The following CDYL variants were observed in gnomAD, a reference collection of about 807,000 sequenced individuals.
CDYL encodes the protein chromodomain Y like.
In CDYL, 8 loss-of-function variants were observed where a neutral mutation model predicts 47.3. That is an observed-to-expected ratio of 0.17 (90% CI 0.10 to 0.31). CDYL has a LOEUF of 0.31. CDYL is among the 10% of genes least tolerant of loss of function. CDYL has a pLI of 1.00. For missense variants in CDYL, 471 were observed against 701.4 expected, an observed-to-expected ratio of 0.67 and a Z score of 3.71; for synonymous variants, 266 against 265.0, an observed-to-expected ratio of 1.00 and a Z score of -0.04.
chr6:4,850,957 T>C (rs750737413), intron 1 of CDYL, among the ~76,000 whole-genome samples: 1 of 152,202 alleles, frequency 6.6e-6, no homozygotes, highest in African/African-American at 2.4e-5. Context: ...AGGGGAAATA[T>C]AATGGCACCG....
At chr6:4,936,549 G>T (rs1430414533) in intron 3 of CDYL, among the ~76,000 whole-genome samples, 2 of 152,156 alleles carry the variant, frequency 1.3e-5, no homozygotes, top group African/African-American at 4.8e-5. Context: ...TTTTTAGACT[G>T]CAGAGTCCCT....
At chr6:4,775,895 G>C (rs1263928352), upstream of CDYL, among the ~76,000 whole-genome samples, 6 of 150,452 alleles carry the variant, frequency 4.0e-5, no homozygotes, top group East Asian at 1.2e-3. The surrounding 1 kb of genome is among the most constrained non-coding windows in gnomAD (Gnocchi z 7.0). Context: ...GGAGGCGCGC[G>C]GTAGACGGCG....
intron 1 of CDYL, among the ~76,000 whole-genome samples, chr6:4,791,364 A>G (rs998377650): frequency 2.0e-5 from 3 of 152,236 alleles, no homozygotes; most frequent in Non-Finnish European, 4.4e-5. Flanking sequence ...TTTACAATGT[A>G]TCATCAACCT....
intron 1 of CDYL, among the ~76,000 whole-genome samples, chr6:4,785,334 G>A (rs79925159): frequency 0.017 from 2,583 of 152,250 alleles, 73 homozygotes; most frequent in African/African-American, 0.06. Context: ...TTGTGGAGAG[G>A]TTAGCTTCAA....
chr6:4,776,693 A>C lies in CDYL; in HGVS notation c.-91A>C. The C allele has an allele frequency of 8.4e-7, 1 of 1,195,042 alleles. No individual in the cohort carries two copies. The highest frequency in any genetic ancestry group is 1.1e-6 in the Non-Finnish European group (1 of 921,892). The allele number at this position is 1,195,042 out of a possible 1,614,324, so 74.0% of individuals were successfully genotyped here. On this transcript the variant is annotated 5_prime_UTR_variant, in exon 1 of 7. Transcript: ENST00000397588. The stretch of plus-strand genomic sequence containing the variant: ...GCCGCGGGAGCAGGAAGCGCAGGCC[A>C]CGCAGGACCCAACTGAAACAAAGTG...
rs373099544 is a variant in CDYL, at chr6:4,937,840, ATCT to A, written c.1121+107_1121+109del. On this transcript the variant is annotated intron_variant, in intron 4 of 6. Coordinates refer to ENST00000397588, the MANE Select transcript of CDYL (RefSeq NM_004824.4). The stretch of plus-strand genomic sequence containing the variant: ...ACCAAGCCTTGAGAATAAGATACAC[ATCT>A]TCTCCCATGGAGAGACACGAGCAGC... 1.2e-3 allele frequency: 1,024 copies of A among 820,008 alleles called. 12 individuals are homozygous for A. Among genetic ancestry groups the A allele is most frequent in the South Asian group, 1.0e-2 (549 of 55,114 alleles). The allele number at this position is 820,008 out of a possible 1,614,324, so 50.8% of individuals were successfully genotyped here.
chr6:4,744,150 T>C (rs1757845162), intron 3 of CDYL, among the ~76,000 whole-genome samples: 1 of 151,214 alleles, frequency 6.6e-6, no homozygotes, highest in Admixed American at 6.6e-5. Context: ...GGAAGGAGAG[T>C]GTCGAGGGAA....
intron 1 of CDYL, among the ~76,000 whole-genome samples, chr6:4,869,208 G>T (rs1334170744): frequency 3.3e-5 from 5 of 151,738 alleles, no homozygotes; most frequent in Non-Finnish European, 1.5e-5. Context: ...CGATTCTCCT[G>T]TCTCGGCCTC....
chr6:4,951,442 C>G (rs146565975), intron 5 of CDYL, among the ~76,000 whole-genome samples: 177 of 152,110 alleles, frequency 1.2e-3, no homozygotes, highest in African/African-American at 4.1e-3. Flanking sequence ...TAAAAGTGAT[C>G]TAGTTCAGTG....
chr6:4,951,420 G>C (rs1016388049), intron 5 of CDYL, among the ~76,000 whole-genome samples: 3 of 151,974 alleles, frequency 2.0e-5, no homozygotes, highest in Non-Finnish European at 2.9e-5. Flanking sequence ...CATACATGTT[G>C]TACTGAGACC....
intron 1 of CDYL, among the ~76,000 whole-genome samples, chr6:4,780,396 A>ACCCCCCCCCCCCCCCCC (rs1561847017): frequency 2.7e-4 from 2 of 7,388 alleles, no homozygotes; most frequent in African/African-American, 3.9e-4. Context: ...ACCCCCGCCT[A>ACCCCCCCCCCCCCCCCC]CGCCCCCCCC....
intron 1 of CDYL, among the ~76,000 whole-genome samples, chr6:4,782,479 C>T (rs1758642735): frequency 6.6e-6 from 1 of 152,160 alleles, no homozygotes; most frequent in Non-Finnish European, 1.5e-5. Context: ...CATCTGCTTA[C>T]ATGGTTTCAA....
intron 1 of CDYL, among the ~76,000 whole-genome samples, chr6:4,847,120 C>T (rs530013032): frequency 6.6e-6 from 1 of 152,314 alleles, no homozygotes; most frequent in East Asian, 1.9e-4. Context: ...GGAATGCCAC[C>T]AGTGGCCCTC....
chr6:4,937,121 C>T (rs1445761820), intron 3 of CDYL, among the ~76,000 whole-genome samples: 9 of 152,164 alleles, frequency 5.9e-5, no homozygotes, highest in Non-Finnish European at 1.3e-4. Flanking sequence ...CTTTGGGAGG[C>T]CAAGGCAGGA....
chr6:4,833,167 A>G (rs1300151321), intron 1 of CDYL, among the ~76,000 whole-genome samples: 2,064 of 135,202 alleles, frequency 0.015, 20 homozygotes, highest in African/African-American at 0.065. Flanking sequence ...GTGATGTTAG[A>G]GTGTCAATTT....
At chr6:4,909,598 C>T (rs925371031) in intron 2 of CDYL, among the ~76,000 whole-genome samples, 1 of 152,060 alleles carries the variant, frequency 6.6e-6, no homozygotes, top group Non-Finnish European at 1.5e-5. Flanking sequence ...GAGACGGAGT[C>T]TCCCTCTGTT....
chr6:4,929,639 C>T lies in CDYL; in HGVS notation c.692-5876C>T, dbSNP rs892901296. On this transcript the variant is annotated intron_variant, in intron 2 of 6. Coordinates refer to ENST00000397588, the MANE Select transcript of CDYL (RefSeq NM_004824.4). ...TTTCTGTTTCTTCTCCTGTCTATTGCTGTGCCTTCAGGTTCTCTGATCTTT... is the reference window on the plus strand; with the variant it reads ...TTTCTGTTTCTTCTCCTGTCTATTGTTGTGCCTTCAGGTTCTCTGATCTTT... Among the ~76,000 whole-genome samples the T allele has an allele frequency of 1.1e-4, 16 of 152,108 alleles. 1 individual carries two copies. Among genetic ancestry groups the T allele is most frequent in the South Asian group, 4.1e-4 (2 of 4,822 alleles).
Position 4,943,591 on chromosome 6 carries a change from A to G in CDYL, c.1167A>G (p.Val389=), listed in dbSNP as rs766971402. 23 of 1,612,816 alleles carry G rather than the reference A, an allele frequency of 1.4e-5. No individual in the cohort carries two copies. The Admixed American group carries it at 3.8e-4, about 27-fold the overall frequency. ...TFIQFKKPII[V]AVNGPAIGLG... ...TTCAATTTAAGAAGCCCATTATTGT[A>G]GCAGTCAATGGCCCAGCCATTGGTC... is the stretch of plus-strand genomic sequence containing the variant. The change falls in exon 5 of 7, where the codon GTA becomes GTG. Residue 389 remains valine (V), a synonymous_variant. Transcript: ENST00000397588.
chr6:4,821,181 G>A (rs7765321), intron 1 of CDYL, among the ~76,000 whole-genome samples: 4,008 of 150,922 alleles, frequency 0.027, 182 homozygotes, highest in African/African-American at 0.092. Flanking sequence ...ATAAATCTTA[G>A]GAGAACAGCT....
Sources: gnomAD v4.1 joint callset for allele counts (sites outside exome capture counted in the v4.1 genomes callset) on GRCh38, gnomAD v4.1.1 for gene constraint, Gnocchi (gnomAD v3.1) non-coding constraint, MANE v1.5 for transcripts, NCBI Gene and HGNC (gene_info 2026-07-23, HGNC 2026-07-21) for gene names.